ATRNL1: variants seen among roughly 807,000 people sequenced by gnomAD.
ATRNL1 encodes the protein attractin-like protein 1.
ATRNL1 carries 95 observed loss-of-function variants against 182.7 expected under a neutral mutation model. The observed-to-expected ratio is 0.52, with a 90% confidence interval of 0.44 to 0.62. ATRNL1 has a LOEUF of 0.62. Ranked by LOEUF, ATRNL1 falls within the 20% of genes least tolerant of loss-of-function variation. The probability of loss-of-function intolerance (pLI) is 0.00; values close to 1 mark genes in which losing one functional copy is unlikely to be tolerated. For missense variants in ATRNL1, 1,471 were observed against 1,679.5 expected, an observed-to-expected ratio of 0.88 and a Z score of 2.17; for synonymous variants, 576 against 568.3, an observed-to-expected ratio of 1.01 and a Z score of -0.19.
chr10:115,438,355 T>C (rs1365088906), intron 21 of ATRNL1, among the ~76,000 whole-genome samples: 1 of 152,006 alleles, frequency 6.6e-6, no homozygotes, highest in Non-Finnish European at 1.5e-5. Context: ...CTGCAGATTT[T>C]GTTGCAAGAG....
intron 26 of ATRNL1, among the ~76,000 whole-genome samples, chr10:115,571,370 G>A (rs572058424): frequency 9.2e-5 from 14 of 152,186 alleles, no homozygotes; most frequent in South Asian, 6.2e-4. Flanking sequence ...TCAACTTACC[G>A]TTTTCCAGAT....
intron 5 of ATRNL1, among the ~76,000 whole-genome samples, chr10:115,149,624 A>T (rs543171690): frequency 1.9e-4 from 29 of 152,208 alleles, no homozygotes; most frequent in Middle Eastern, 6.8e-3. Context: ...CATGTTGCTG[A>T]TATGATAGAT....
intron 28 of ATRNL1, among the ~76,000 whole-genome samples, chr10:115,901,210 A>G (rs1208133780): frequency 2.0e-5 from 3 of 152,292 alleles, no homozygotes; most frequent in African/African-American, 7.2e-5. Flanking sequence ...TTTAGGTCAC[A>G]TTTTTCTCCC....
In ATRNL1 at chr10:115,443,320, C is replaced by A. The variant is rs544189400; in HGVS notation, c.3322+17018C>A. On this transcript the variant is annotated intron_variant, in intron 21 of 28. Coordinates refer to ENST00000355044, the MANE Select transcript of ATRNL1 (RefSeq NM_207303.4). ...ACCTGTTTCTTTTGATTAGCATTTG[C>A]CTGATGTGTCTCCCTTCATCCTTTC... is the stretch of plus-strand genomic sequence containing the variant. Among the ~76,000 whole-genome samples the A allele has an allele frequency of 3.3e-5, 5 of 151,940 alleles. No individual in the cohort carries two copies. In the East Asian group the frequency reaches 9.7e-4, roughly 29 times the overall value.
At chr10:115,237,609 T>C (rs1265957931) in intron 9 of ATRNL1, among the ~76,000 whole-genome samples, 2 of 152,224 alleles carry the variant, frequency 1.3e-5, no homozygotes, top group Non-Finnish European at 2.9e-5. Context: ...GGGATCCTTG[T>C]ATAATTTGGA....
At chr10:115,648,761 T>G (rs1230360237) in intron 26 of ATRNL1, among the ~76,000 whole-genome samples, 1 of 152,200 alleles carries the variant, frequency 6.6e-6, no homozygotes, top group Non-Finnish European at 1.5e-5. Context: ...TTTATTACTT[T>G]TGGTATTGTT....
chr10:115,729,135 AG>A, intron 27 of ATRNL1, among the ~76,000 whole-genome samples: 1 of 152,322 alleles, frequency 6.6e-6, no homozygotes, highest in Non-Finnish European at 1.5e-5. Flanking sequence ...ATGTCACCAT[AG>A]TTTGTCAGTT....
intron 19 of ATRNL1, among the ~76,000 whole-genome samples, chr10:115,345,946 A>G (rs1554939569): frequency 6.6e-6 from 1 of 152,188 alleles, no homozygotes; most frequent in Non-Finnish European, 1.5e-5. Flanking sequence ...TTTTACAGCT[A>G]AATAATACTG....
chr10:115,745,481 G>A (rs76602112), intron 27 of ATRNL1, among the ~76,000 whole-genome samples: 1,924 of 152,100 alleles, frequency 0.013, 27 homozygotes, highest in African/African-American at 0.042. Flanking sequence ...TTTCTCTCAG[G>A]TAAAAAGCTA....
intron 19 of ATRNL1, among the ~76,000 whole-genome samples, chr10:115,367,986 C>G (rs1857153771): frequency 1.3e-5 from 2 of 152,054 alleles, no homozygotes; most frequent in Non-Finnish European, 2.9e-5. Flanking sequence ...TGTCTGTGCC[C>G]TGCCCCCAGA....
intron 9 of ATRNL1, chr10:115,220,425 T>A (rs1373072519): frequency 6.6e-6 from 1 of 152,214 alleles, no homozygotes; most frequent in African/African-American, 2.4e-5. Flanking sequence ...ATGGTTTCAT[T>A]GGATGGCTGG....
intron 25 of ATRNL1, among the ~76,000 whole-genome samples, chr10:115,530,599 A>G (rs1851509239): frequency 6.6e-6 from 1 of 152,240 alleles, no homozygotes; most frequent in South Asian, 2.1e-4. Context: ...AGTTAAGTAT[A>G]GTGTTCATGA....
At chr10:115,225,780 G>A (rs563759617) in intron 9 of ATRNL1, among the ~76,000 whole-genome samples, 1 of 151,354 alleles carries the variant, frequency 6.6e-6, no homozygotes, top group African/African-American at 2.4e-5. Context: ...ATATTATGCA[G>A]ATGTCTATTC....
rs564468891 is a variant in ATRNL1 at position 115,784,634 on chromosome 10, A to C, written c.3903+57279A>C. ...TGGTTTCTTTTGGAGGCTCTGAGGG[A>C]GAAACCATCCCATGCCTCTCTCTTA... On this transcript the variant is annotated intron_variant, in intron 27 of 28. Transcript: ENST00000355044. Among the ~76,000 whole-genome samples, 156 of 152,288 alleles carry C rather than the reference A, an allele frequency of 1.0e-3. 1 individual carries two copies. The highest frequency in any genetic ancestry group is 5.0e-3 in the South Asian group (24 of 4,826).
intron 5 of ATRNL1, among the ~76,000 whole-genome samples, chr10:115,134,648 C>T (rs1379030545): frequency 6.6e-6 from 1 of 152,086 alleles, no homozygotes; most frequent in Non-Finnish European, 1.5e-5. Flanking sequence ...CTATTTCAAT[C>T]AATAGAAAAA....
At chr10:115,441,579 T>G (rs1382095216) in intron 21 of ATRNL1, among the ~76,000 whole-genome samples, 2 of 151,970 alleles carry the variant, frequency 1.3e-5, no homozygotes, top group Non-Finnish European at 1.5e-5. Context: ...GCATCTAAAT[T>G]TTGATGTTCC....
intron 24 of ATRNL1, among the ~76,000 whole-genome samples, chr10:115,488,371 C>T (rs537304194): frequency 1.6e-4 from 24 of 151,954 alleles, no homozygotes; most frequent in South Asian, 4.2e-4. Flanking sequence ...TTGGTTGGTA[C>T]GCTATTAATC....
At chr10:115,186,308 CA>C (rs1386270200) in intron 8 of ATRNL1, among the ~76,000 whole-genome samples, 1 of 151,632 alleles carries the variant, frequency 6.6e-6, no homozygotes, top group Non-Finnish European at 1.5e-5. Context: ...GGAGGTTCCT[CA>C]AAAAAACTAA....
intron 27 of ATRNL1, among the ~76,000 whole-genome samples, chr10:115,814,003 A>G (rs2134263688): frequency 6.6e-6 from 1 of 152,222 alleles, no homozygotes; most frequent in East Asian, 1.9e-4. Context: ...ATGACAGTGA[A>G]TCTCATTATG....
Sources: gnomAD v4.1 joint callset for allele counts (sites outside exome capture counted in the v4.1 genomes callset) on GRCh38, gnomAD v4.1.1 for gene constraint, MANE v1.5 for transcripts, NCBI Gene and HGNC (gene_info 2026-07-23, HGNC 2026-07-21) for gene names.